Variants in BCAT1 observed in about 807,000 individuals in gnomAD.
BCAT1 encodes branched chain amino acid transaminase 1.
BCAT1 carries 48 observed loss-of-function variants against 52.4 expected under a neutral mutation model. That is an observed-to-expected ratio of 0.92 (90% confidence interval 0.73 to 1.16). The LOEUF (loss-of-function observed/expected upper bound fraction) is 1.16. BCAT1 is among the 50% of genes most tolerant of loss of function. The probability of loss-of-function intolerance (pLI) is 0.00; values close to 1 mark genes in which losing one functional copy is unlikely to be tolerated. For synonymous variants in BCAT1, 167 were observed against 161.3 expected (o/e 1.04, Z -0.27); for missense variants, 451 against 457.1 (o/e 0.99, Z 0.12).
intron 3 of BCAT1, among the ~76,000 whole-genome samples, chr12:24,887,066 A>ATAAAAAAAAAAT (rs1459886482): frequency 1.3e-5 from 1 of 78,722 alleles, no homozygotes; most frequent in Non-Finnish European, 2.5e-5. Context: ...CTAGCTAAAA[A>ATAAAAAAAAAAT]AAAAAAAAAA....
chr12:24,932,922 C>T (rs1176617228), intron 1 of BCAT1, among the ~76,000 whole-genome samples: 4 of 152,270 alleles, frequency 2.6e-5, no homozygotes, highest in African/African-American at 9.6e-5. Context: ...AGTGATTCTC[C>T]TGCCTCAGCC....
intron 1 of BCAT1, among the ~76,000 whole-genome samples, chr12:24,907,210 T>A (rs144539749): frequency 6.6e-4 from 101 of 152,354 alleles, no homozygotes; most frequent in African/African-American, 2.4e-3. Flanking sequence ...CCAGGCACTG[T>A]CATCCTTCCT....
intron 3 of BCAT1, among the ~76,000 whole-genome samples, chr12:24,893,933 C>T (rs1198286444): frequency 6.6e-6 from 1 of 152,138 alleles, no homozygotes; most frequent in African/African-American, 2.4e-5. Flanking sequence ...TTCTCAATGA[C>T]CCTTTCTCAA....
intron 1 of BCAT1, among the ~76,000 whole-genome samples, chr12:24,945,228 G>A (rs1389047940): frequency 6.6e-6 from 1 of 152,110 alleles, no homozygotes; most frequent in Non-Finnish European, 1.5e-5. Flanking sequence ...CACTGACAAG[G>A]TCTTATGATG....
intron 5 of BCAT1, among the ~76,000 whole-genome samples, chr12:24,860,329 A>T (rs377166741): frequency 1.3e-5 from 2 of 152,144 alleles, no homozygotes; most frequent in East Asian, 3.8e-4. Context: ...GAACAAAATA[A>T]CCTTCTAGTG....
chr12:24,923,464 G>A (rs950423434), intron 1 of BCAT1, among the ~76,000 whole-genome samples: 1 of 152,166 alleles, frequency 6.6e-6, no homozygotes, highest in African/African-American at 2.4e-5. Context: ...TCCCAGGCTG[G>A]AGTGCAGTGG....
chr12:24,836,936 A>G lies in BCAT1; in HGVS notation c.818-340T>C, dbSNP rs552911463. Among the ~76,000 whole-genome samples, 139 of 121,582 alleles carry G rather than the reference A, an allele frequency of 1.1e-3. 1 individual carries two copies. Among genetic ancestry groups the G allele is most frequent in the African/African-American group, 3.8e-3 (136 of 35,618 alleles). The allele number at this position is 121,582 out of a possible 152,430, so 79.8% of individuals were successfully genotyped here. On this transcript the variant is annotated intron_variant, in intron 7 of 10. Coordinates refer to ENST00000261192, the MANE Select transcript of BCAT1 (RefSeq NM_005504.7). ...AAAGAAAGAAAGAAAGAAAGAAAGA[A>G]AGAAAGAAAGAAAGAAAGAAAAGAG...
chr12:24,845,519 T>C (rs747475406), intron 6 of BCAT1, among the ~76,000 whole-genome samples: 6 of 152,228 alleles, frequency 3.9e-5, no homozygotes, highest in Non-Finnish European at 7.3e-5. Context: ...AGGGGACGTC[T>C]GGTAGAAAGA....
intron 3 of BCAT1, among the ~76,000 whole-genome samples, chr12:24,883,660 T>C (rs1036975282): frequency 6.6e-6 from 1 of 152,160 alleles, no homozygotes; most frequent in African/African-American, 2.4e-5. Context: ...CACTTCTGGG[T>C]ATATATCCAA....
At chr12:24,940,039 A>G (rs938007423) in intron 1 of BCAT1, among the ~76,000 whole-genome samples, 11 of 152,158 alleles carry the variant, frequency 7.2e-5, no homozygotes, top group African/African-American at 2.4e-4. Context: ...CTTTCTTTTT[A>G]TCTCTACCTG....
At position 24,829,898 on chromosome 12, in the gene BCAT1, C is replaced by CTCGCCTTTG; in HGVS notation, c.1045-2_1045-1insCAAAGGCGA. On this transcript the variant is annotated splice_acceptor_variant, in intron 9 of 10. Transcript: ENST00000261192. LOFTEE classifies it high-confidence loss of function. ...TCTCCATAGTTGGAATGTGTATTGTCTACAAAAGAAAGGGAAATGAGATAA... is the reference window on the plus strand; with the variant it reads ...TCTCCATAGTTGGAATGTGTATTGTCTCGCCTTTGTACAAAAGAAAGGGAAATGAGATAA... The CTCGCCTTTG allele has an allele frequency of 2.5e-6, 4 of 1,602,464 alleles. No individual in the cohort carries two copies. The highest frequency in any genetic ancestry group is 3.4e-6 in the Non-Finnish European group (4 of 1,174,086).
chr12:24,894,927 T>A (rs2139654609), intron 2 of BCAT1, among the ~76,000 whole-genome samples: 1 of 152,352 alleles, frequency 6.6e-6, no homozygotes, highest in South Asian at 2.1e-4. Context: ...ACACTCCAAC[T>A]GCCCCAAAGA....
At chr12:24,916,710 T>A (rs1268202457) in intron 1 of BCAT1, among the ~76,000 whole-genome samples, 2 of 152,128 alleles carry the variant, frequency 1.3e-5, no homozygotes, top group African/African-American at 4.8e-5. Context: ...CTGGTTAATC[T>A]TTGTAGTTTT....
At chr12:24,943,800 T>A (rs183282249) in intron 1 of BCAT1, among the ~76,000 whole-genome samples, 77 of 151,696 alleles carry the variant, frequency 5.1e-4, no homozygotes, top group South Asian at 1.7e-3. Context: ...CTGGCTAACA[T>A]GGTGAAACCC....
intron 9 of BCAT1, 66 bp from the exon 10 acceptor site, chr12:24,829,963 A>G: frequency 8.0e-7 from 1 of 1,250,684 alleles, no homozygotes; most frequent in Non-Finnish European, 1.1e-6. Context: ...CAGATAAGAC[A>G]CTCAAGCAAT....
At chr12:24,930,066 A>G (rs1185104080) in intron 1 of BCAT1, among the ~76,000 whole-genome samples, 8 of 152,220 alleles carry the variant, frequency 5.3e-5, no homozygotes, top group Non-Finnish European at 1.2e-4. Context: ...GTCTGTGACC[A>G]TTATAATCTG....
chr12:24,886,855 G>A (rs1199776567), intron 3 of BCAT1, among the ~76,000 whole-genome samples: 9 of 136,884 alleles, frequency 6.6e-5, no homozygotes, highest in Admixed American at 2.9e-4. Flanking sequence ...AAAAGAGGCC[G>A]GGCATAGTGG....
At chr12:24,839,618 C>T (rs2139424498) in intron 7 of BCAT1, among the ~76,000 whole-genome samples, 1 of 152,330 alleles carries the variant, frequency 6.6e-6, no homozygotes, top group East Asian at 1.9e-4. Context: ...GAGTGCCACA[C>T]ATAGTGACTG....
chr12:24,874,026 T>C lies in BCAT1; in HGVS notation c.510+4504A>G, dbSNP rs115004255. 1.7e-3 allele frequency among the ~76,000 whole-genome samples: 257 copies of C among 152,252 alleles called. 1 individual carries two copies. The highest frequency in any genetic ancestry group is 5.9e-3 in the African/African-American group (246 of 41,556). ...ATGTATCTATGAAGATTATTAAAAA[T>C]GAAGGAGGCCGGGCATGGTGGCTCA... On this transcript the variant is annotated intron_variant, in intron 5 of 10. Transcript: ENST00000261192.
Sources: allele counts gnomAD v4.1 joint callset (sites outside exome capture counted in the v4.1 genomes callset), GRCh38; gene constraint gnomAD v4.1.1; transcripts MANE v1.5; gene names NCBI Gene and HGNC (gene_info 2026-07-23, HGNC 2026-07-21).